Variants in CBLN2 observed in about 807,000 individuals in gnomAD.
CBLN2 encodes cerebellin 2 precursor.
A neutral mutation model predicts 15.0 loss-of-function variants in CBLN2; 7 were observed. The observed-to-expected ratio is 0.47, with a 90% CI of 0.27 to 0.88. The LOEUF is 0.88. CBLN2 is among the 40% of genes least tolerant of loss of function. The pLI is 0.14. For synonymous variants in CBLN2, 149 were observed against 135.2 expected (o/e 1.10, Z -0.71); for missense variants, 242 against 304.5 (o/e 0.79, Z 1.53).
rs143715377 is a variant in CBLN2 at position 72,585,010 on chromosome 18, G to A, written c.16-46238C>T. Reference sequence around the variant, plus strand: ...TGTGCACAGCCAGACACACCAGCTCGCTGCGATGCTGCATCTGGACCAGGT... The same window carrying A: ...TGTGCACAGCCAGACACACCAGCTCACTGCGATGCTGCATCTGGACCAGGT... On this transcript the variant is annotated intron_variant, in intron 1 of 2. Transcript: ENST00000581073. 1.3e-3 allele frequency among the ~76,000 whole-genome samples: 194 copies of A among 152,292 alleles called. 1 individual carries two copies. Among genetic ancestry groups the A allele is most frequent in the African/African-American group, 4.4e-3 (181 of 41,582 alleles).
At chr18:72,574,878 C>T (rs1369722049) in intron 1 of CBLN2, among the ~76,000 whole-genome samples, 1 of 152,118 alleles carries the variant, frequency 6.6e-6, no homozygotes, top group Non-Finnish European at 1.5e-5. Context: ...CAAATTCAGT[C>T]ATCATGGTTG....
chr18:72,593,079 T>C (rs1454875958), intron 1 of CBLN2, among the ~76,000 whole-genome samples: 1 of 152,124 alleles, frequency 6.6e-6, no homozygotes, highest in African/African-American at 2.4e-5. Context: ...CTGCTTTGGG[T>C]AGTAGGGGTA....
chr18:72,612,682 C>T (rs573332568), intron 1 of CBLN2, among the ~76,000 whole-genome samples: 7 of 152,308 alleles, frequency 4.6e-5, no homozygotes, highest in Admixed American at 2.6e-4. Flanking sequence ...GTCTATTCTG[C>T]GGAGATTTGT....
At chr18:72,577,554 T>C (rs1026104665) in intron 1 of CBLN2, among the ~76,000 whole-genome samples, 1 of 152,198 alleles carries the variant, frequency 6.6e-6, no homozygotes, top group Non-Finnish European at 1.5e-5. Flanking sequence ...GGGATTTTCA[T>C]TGTCTAAATG....
chr18:72,573,833 G>A (rs769495706), intron 1 of CBLN2, among the ~76,000 whole-genome samples: 19 of 152,136 alleles, frequency 1.2e-4, no homozygotes, highest in Non-Finnish European at 2.2e-4. Context: ...CGCATCTTAC[G>A]GTAAGTAGTT....
At chr18:72,634,581 A>G (rs928202957) in intron 1 of CBLN2, among the ~76,000 whole-genome samples, 5 of 152,160 alleles carry the variant, frequency 3.3e-5, no homozygotes, top group South Asian at 2.1e-4. Flanking sequence ...TAAGTATTCT[A>G]TAATATAACA....
rs191610752 is a variant in CBLN2, at chr18:72,617,187, A to T, written c.15+21138T>A. On this transcript the variant is annotated intron_variant, in intron 1 of 2. Transcript: ENST00000581073. The stretch of plus-strand genomic sequence containing the variant: ...CATATGTAAGTAAACCTTTGGCAAG[A>T]GAGATTAGTATAACATTGTTGGTTC... Among the ~76,000 whole-genome samples the T allele has an allele frequency of 1.8e-4, 27 of 152,318 alleles. No individual in the cohort carries two copies. In the East Asian group the frequency reaches 5.0e-3, roughly 28 times the overall value.
chr18:72,623,003 C>A (rs561303767), intron 1 of CBLN2, among the ~76,000 whole-genome samples: 1 of 152,158 alleles, frequency 6.6e-6, no homozygotes, highest in East Asian at 1.9e-4. Flanking sequence ...CTCATAGTTC[C>A]ACAGACTGTA....
chr18:72,591,806 T>C (rs1320763532), intron 1 of CBLN2, among the ~76,000 whole-genome samples: 2 of 152,192 alleles, frequency 1.3e-5, no homozygotes, highest in Admixed American at 6.5e-5. Context: ...GTTCCATCTA[T>C]GTTGTTGGAA....
At chr18:72,576,707 A>C (rs1392470490) in intron 1 of CBLN2, among the ~76,000 whole-genome samples, 4 of 152,026 alleles carry the variant, frequency 2.6e-5, no homozygotes, top group African/African-American at 9.7e-5. Flanking sequence ...GAGCAGAAAA[A>C]TAAATACTAA....
chr18:72,584,628 A>T (rs1479699292), intron 1 of CBLN2, among the ~76,000 whole-genome samples: 1 of 152,180 alleles, frequency 6.6e-6, no homozygotes, highest in East Asian at 1.9e-4. Context: ...ATGTATATAA[A>T]CTGCTTATAC....
intron 1 of CBLN2, among the ~76,000 whole-genome samples, chr18:72,634,722 A>G (rs1046951869): frequency 2.0e-5 from 3 of 152,212 alleles, no homozygotes; most frequent in Non-Finnish European, 2.9e-5. Context: ...CTACAAAGTA[A>G]TAATCTTTAG....
At chr18:72,553,045 A>G (rs543550074) in intron 1 of CBLN2, among the ~76,000 whole-genome samples, 1 of 152,252 alleles carries the variant, frequency 6.6e-6, no homozygotes, top group Non-Finnish European at 1.5e-5. Context: ...TTATTTTCTC[A>G]TATATGTGCA....
intron 1 of CBLN2, among the ~76,000 whole-genome samples, chr18:72,589,055 T>A (rs936354176): frequency 6.6e-6 from 1 of 152,136 alleles, no homozygotes; most frequent in Non-Finnish European, 1.5e-5. Context: ...TGATTTTGCA[T>A]AGATCACCTC....
At chr18:72,635,982 T>C (rs1339858220) in intron 1 of CBLN2, among the ~76,000 whole-genome samples, 2 of 152,128 alleles carry the variant, frequency 1.3e-5, no homozygotes, top group African/African-American at 4.8e-5. Context: ...ATACATCAAT[T>C]TACCCTGAAT....
intron 1 of CBLN2, among the ~76,000 whole-genome samples, chr18:72,563,632 G>C (rs997791735): frequency 1.3e-5 from 2 of 152,176 alleles, no homozygotes; most frequent in African/African-American, 4.8e-5. Context: ...TTGGAAACAA[G>C]AGAGTTCCAA....
At chr18:72,544,492 C>G (rs1397066795), upstream of CBLN2, 2 of 152,240 alleles carry the variant, frequency 1.3e-5, no homozygotes, top group African/African-American at 4.8e-5. Flanking sequence ...TGCGGGTGCC[C>G]GGGCCTCCCT....
chr18:72,556,159 C>G lies in CBLN2; in HGVS notation c.16-17387G>C, dbSNP rs62089746. ...ATGAGTTGTTAAATTGCAGCACATC[C>G]CACTCCATGCTGACTGGAACACACA... On this transcript the variant is annotated intron_variant, in intron 1 of 2. Coordinates refer to the CBLN2 transcript ENST00000581073. Among the ~76,000 whole-genome samples the G allele has an allele frequency of 5.4e-3, 820 of 152,250 alleles. 5 individuals are homozygous for G. The highest frequency in any genetic ancestry group is 0.013 in the South Asian group (65 of 4,828).
chr18:72,617,596 GC>G (rs1351437460), intron 1 of CBLN2, among the ~76,000 whole-genome samples: 1 of 152,064 alleles, frequency 6.6e-6, no homozygotes, highest in Non-Finnish European at 1.5e-5. Flanking sequence ...TAGACATTTT[GC>G]CTCGCATGTT....
Sources: allele counts gnomAD v4.1 joint callset (sites outside exome capture counted in the v4.1 genomes callset), GRCh38; gene constraint gnomAD v4.1.1; transcripts MANE v1.5; gene names NCBI Gene and HGNC (gene_info 2026-07-23, HGNC 2026-07-21).